ZCWPW2: variants seen among roughly 807,000 people sequenced by gnomAD.
ZCWPW2 encodes zinc finger CW-type PWWP domain protein 2.
In ZCWPW2, 45 loss-of-function variants were observed where a neutral mutation model predicts 46.6. The ratio of observed to expected loss-of-function variants is 0.96; its 90% CI spans 0.76 to 1.24. The LOEUF (loss-of-function observed/expected upper bound fraction) is 1.24, where lower values mean the gene tolerates loss of function less well. Ranked by LOEUF, ZCWPW2 falls within the 50% of genes most tolerant of loss-of-function variation. ZCWPW2 has a pLI of 0.00. For synonymous variants in ZCWPW2, 152 were observed against 137.1 expected, an observed-to-expected ratio of 1.11 and a Z score of -0.76; for missense variants, 429 against 403.9, an observed-to-expected ratio of 1.06 and a Z score of -0.53.
intron 4 of ZCWPW2, among the ~76,000 whole-genome samples, chr3:28,448,893 G>A (rs560772656): frequency 7.1e-6 from 1 of 140,820 alleles, no homozygotes; most frequent in Non-Finnish European, 1.5e-5. Context: ...AAATCCTAAT[G>A]GTATTTTTGC....
At chr3:28,351,985 A>G (rs537731146) in intron 1 of ZCWPW2, among the ~76,000 whole-genome samples, 33 of 152,290 alleles carry the variant, frequency 2.2e-4, no homozygotes, top group Non-Finnish European at 5.9e-5. Context: ...TGGCAAGGAT[A>G]AAAATGATTT....
At chr3:28,516,101 G>A (rs1263087105) in intron 8 of ZCWPW2, among the ~76,000 whole-genome samples, 10 of 151,830 alleles carry the variant, frequency 6.6e-5, no homozygotes, top group South Asian at 4.2e-4. Context: ...TTAGCTGGCC[G>A]TGGTGGCATG....
chr3:28,500,764 C>T (rs1048495944), intron 6 of ZCWPW2, among the ~76,000 whole-genome samples: 2 of 152,106 alleles, frequency 1.3e-5, no homozygotes, highest in African/African-American at 4.8e-5. Context: ...TGTACTGCAA[C>T]TCACTTAATT....
At chr3:28,479,666 T>A (rs1699361550) in intron 5 of ZCWPW2, among the ~76,000 whole-genome samples, 1 of 152,184 alleles carries the variant, frequency 6.6e-6, no homozygotes, top group South Asian at 2.1e-4. Context: ...CTGATCCTTT[T>A]CCTCCTCCCA....
At chr3:28,493,417 G>C (rs1699894673) in intron 6 of ZCWPW2, among the ~76,000 whole-genome samples, 1 of 107,412 alleles carries the variant, frequency 9.3e-6, no homozygotes, top group South Asian at 3.7e-4. Context: ...TTTTGTTCTT[G>C]TGATAGTTTA....
chr3:28,513,237 G>A (rs1700475214), intron 6 of ZCWPW2, among the ~76,000 whole-genome samples: 1 of 152,060 alleles, frequency 6.6e-6, no homozygotes, highest in African/African-American at 2.4e-5. Flanking sequence ...CAAAGACCCT[G>A]TATACATTTT....
chr3:28,396,809 T>C (rs995682025), intron 2 of ZCWPW2, among the ~76,000 whole-genome samples: 5 of 152,234 alleles, frequency 3.3e-5, no homozygotes, highest in African/African-American at 9.6e-5. Context: ...CTATTCCATA[T>C]GTATTTATTC....
At chr3:28,402,608 A>G (rs530239625) in intron 2 of ZCWPW2, among the ~76,000 whole-genome samples, 103 of 152,280 alleles carry the variant, frequency 6.8e-4, no homozygotes, top group African/African-American at 2.2e-3. Context: ...CAAAAAAGAA[A>G]ACTACAGACC....
In ZCWPW2 at chr3:28,526,049, G is replaced by A. The variant is rs1167732115; in HGVS notation, c.*1361G>A. Among the ~76,000 whole-genome samples, 1 of 152,142 alleles carries A rather than the reference G, an allele frequency of 6.6e-6. No homozygotes were observed. The highest frequency in any genetic ancestry group is 1.9e-4 in the East Asian group (1 of 5,188). On this transcript the variant is annotated 3_prime_UTR_variant, in exon 10 of 10. Transcript: ENST00000383768. The stretch of plus-strand genomic sequence containing the variant: ...TCTTGATGAAGCTTTTAACTAGCTG[G>A]GTGGTGGAATGATAATCTAGTTTCC...
At chr3:28,414,251 G>C (rs1018579201) in intron 3 of ZCWPW2, among the ~76,000 whole-genome samples, 4 of 149,580 alleles carry the variant, frequency 2.7e-5, no homozygotes, top group Non-Finnish European at 4.5e-5. Flanking sequence ...ATTATCAATT[G>C]TTCTTGTGTT....
chr3:28,471,840 A>G (rs1463574992), intron 4 of ZCWPW2, among the ~76,000 whole-genome samples: 2 of 152,190 alleles, frequency 1.3e-5, no homozygotes, highest in Admixed American at 6.5e-5. Flanking sequence ...TAAAGACTTC[A>G]CCAAAAAGCT....
intron 2 of ZCWPW2, among the ~76,000 whole-genome samples, chr3:28,399,847 T>G (rs1411690706): frequency 6.6e-6 from 1 of 152,024 alleles, no homozygotes; most frequent in East Asian, 1.9e-4. Context: ...GAAAATCAAC[T>G]CTGGTAATAT....
intron 3 of ZCWPW2, among the ~76,000 whole-genome samples, chr3:28,422,387 C>T (rs1321940476): frequency 1.3e-5 from 2 of 152,094 alleles, no homozygotes; most frequent in East Asian, 3.9e-4. Context: ...CCCTTCTATC[C>T]CTCCAAACTC....
At chr3:28,428,627 A>G (rs1697119356) in intron 3 of ZCWPW2, among the ~76,000 whole-genome samples, 1 of 152,170 alleles carries the variant, frequency 6.6e-6, no homozygotes, top group Non-Finnish European at 1.5e-5. Flanking sequence ...TGGCTCTGTA[A>G]CCCACCTGAA....
intron 4 of ZCWPW2, among the ~76,000 whole-genome samples, chr3:28,473,195 G>A (rs923406079): frequency 1.3e-5 from 2 of 152,152 alleles, no homozygotes; most frequent in African/African-American, 4.8e-5. Flanking sequence ...CTAAAAGTAG[G>A]CTGGGTGCAG....
chr3:28,469,650 GTTCA>G (rs1698962058), intron 4 of ZCWPW2, among the ~76,000 whole-genome samples: 3 of 151,648 alleles, frequency 2.0e-5, no homozygotes, highest in African/African-American at 7.3e-5. Flanking sequence ...TGATAAAGGA[GTTCA>G]TTCATCAAGA....
intron 3 of ZCWPW2, 107 bp from the exon 4 acceptor site, chr3:28,435,003 A>G: frequency 8.5e-7 from 1 of 1,180,002 alleles, no homozygotes; most frequent in Non-Finnish European, 1.2e-6. Context: ...ATGTTTTGTG[A>G]AAAGGCATTA....
chr3:28,412,989 G>A (rs1696463333), intron 2 of ZCWPW2, 67 bp from the exon 3 acceptor site: 2 of 1,308,632 alleles, frequency 1.5e-6, no homozygotes, highest in South Asian at 1.5e-5. Flanking sequence ...CTGATTTTTG[G>A]TTTGAATTTT....
intron 1 of ZCWPW2, among the ~76,000 whole-genome samples, chr3:28,362,711 T>A (rs778975269): frequency 3.3e-5 from 5 of 152,114 alleles, no homozygotes; most frequent in Non-Finnish European, 7.3e-5. Context: ...AACCTAGCAA[T>A]CTCATTTCAT....
Sources: gnomAD v4.1 joint callset for allele counts (sites outside exome capture counted in the v4.1 genomes callset) on GRCh38, gnomAD v4.1.1 for gene constraint, MANE v1.5 for transcripts, NCBI Gene and HGNC (gene_info 2026-07-23, HGNC 2026-07-21) for gene names.